Variants in FGF12 observed in about 807,000 individuals in gnomAD.
FGF12 encodes fibroblast growth factor 12, also known as fibroblast growth factor 12B.
In FGF12, 14 loss-of-function variants were observed where a neutral mutation model predicts 23.6. The observed-to-expected ratio is 0.59, with a 90% CI of 0.39 to 0.93. The LOEUF (loss-of-function observed/expected upper bound fraction) is 0.93, where lower values mean the gene tolerates loss of function less well. FGF12 is among the 40% of genes least tolerant of loss of function. FGF12 has a pLI of 0.00. For synonymous variants in FGF12, 62 were observed against 77.3 expected, an observed-to-expected ratio of 0.80 and a Z score of 1.04; for missense variants, 175 against 217.8, an observed-to-expected ratio of 0.80 and a Z score of 1.24.
chr3:192,664,418 C>G lies in FGF12; in HGVS notation c.13+62763G>C, dbSNP rs186166325. Reference sequence around the variant, plus strand: ...CTTATCAGAGCACTAAAACTACCACCAGCATTACTTCCCTAATTTATACAA... The same window carrying G: ...CTTATCAGAGCACTAAAACTACCACGAGCATTACTTCCCTAATTTATACAA... On this transcript the variant is annotated intron_variant, in intron 2 of 5. Transcript: ENST00000445105. Among the ~76,000 whole-genome samples the G allele has an allele frequency of 1.2e-3, 186 of 151,934 alleles. 1 individual carries two copies. Among genetic ancestry groups the G allele is most frequent in the Middle Eastern group, 3.4e-3 (1 of 294 alleles).
At chr3:192,629,146 T>A (rs1312500342) in intron 2 of FGF12, among the ~76,000 whole-genome samples, 2 of 152,218 alleles carry the variant, frequency 1.3e-5, no homozygotes, top group African/African-American at 4.8e-5. Flanking sequence ...ATTATTTATC[T>A]TCTGAAAGAC....
intron 2 of FGF12, among the ~76,000 whole-genome samples, chr3:192,472,429 T>C (rs951356962): frequency 6.6e-6 from 1 of 152,138 alleles, no homozygotes; most frequent in African/African-American, 2.4e-5. Flanking sequence ...GGAATGAAAC[T>C]TAACATTTCC....
At chr3:192,467,200 C>T (rs1010743025) in intron 2 of FGF12, among the ~76,000 whole-genome samples, 17 of 152,082 alleles carry the variant, frequency 1.1e-4, no homozygotes, top group African/African-American at 4.1e-4. Context: ...TCATATATGT[C>T]GGAAAATTAA....
intron 4 of FGF12, among the ~76,000 whole-genome samples, chr3:192,242,177 A>C (rs1024131930): frequency 6.6e-6 from 1 of 152,220 alleles, no homozygotes; most frequent in Non-Finnish European, 1.5e-5. Flanking sequence ...GATGAATTAG[A>C]AACAAAAGAG....
intron 2 of FGF12, among the ~76,000 whole-genome samples, chr3:192,551,279 G>T (rs1412107722): frequency 6.6e-6 from 1 of 152,170 alleles, no homozygotes; most frequent in African/African-American, 2.4e-5. Flanking sequence ...GAGAGGAGAA[G>T]GCACAGATCA....
At chr3:192,460,961 A>C (rs927968207) in intron 2 of FGF12, among the ~76,000 whole-genome samples, 1 of 152,126 alleles carries the variant, frequency 6.6e-6, no homozygotes, top group Non-Finnish European at 1.5e-5. Flanking sequence ...TCCAGAGTAC[A>C]TATATTCATT....
chr3:192,493,157 A>G (rs1007052972), intron 2 of FGF12, among the ~76,000 whole-genome samples: 2 of 152,044 alleles, frequency 1.3e-5, no homozygotes, highest in East Asian at 3.9e-4. Context: ...CAATGACAGC[A>G]GGAGTCCAGG....
chr3:192,727,017 C>A, intron 2 of FGF12, 164 bp downstream of exon 2: 1 of 799,222 alleles, frequency 1.3e-6, no homozygotes, highest in Non-Finnish European at 2.1e-6. Flanking sequence ...AAAAAGAAGT[C>A]GCCTTCCTGC....
chr3:192,235,410 T>C (rs1719237543), intron 4 of FGF12, among the ~76,000 whole-genome samples: 1 of 152,166 alleles, frequency 6.6e-6, no homozygotes, highest in African/African-American at 2.4e-5. Flanking sequence ...CAGGTTCAAA[T>C]GATTCTCCTG....
In FGF12 at chr3:192,343,702, T is replaced by C. The variant is rs1717810217; in HGVS notation, c.125-8238A>G. On this transcript the variant is annotated intron_variant, in intron 3 of 5. Coordinates refer to ENST00000445105, the MANE Select transcript of FGF12 (RefSeq NM_004113.6). ...TCACCCAGGCAAATTAATTATTCAT[T>C]CCCTTACCCTAATTCCACAGCATTC... Among the ~76,000 whole-genome samples, 2 of 152,112 alleles carry C rather than the reference T, an allele frequency of 1.3e-5. 1 individual carries two copies. The highest frequency in any genetic ancestry group is 1.3e-4 in the Admixed American group (2 of 15,252).
chr3:192,358,719 T>C (rs1006150427), intron 3 of FGF12, among the ~76,000 whole-genome samples: 2 of 152,216 alleles, frequency 1.3e-5, no homozygotes, highest in Non-Finnish European at 2.9e-5. Flanking sequence ...ATAAATGTCA[T>C]GCATTTGCAA....
At chr3:192,538,373 T>C (rs1424144357) in intron 2 of FGF12, among the ~76,000 whole-genome samples, 1 of 152,200 alleles carries the variant, frequency 6.6e-6, no homozygotes, top group Non-Finnish European at 1.5e-5. Flanking sequence ...ATTGAAGATA[T>C]TGTCTTTTCC....
chr3:192,188,986 A>G (rs2108644568), intron 4 of FGF12, among the ~76,000 whole-genome samples: 1 of 152,344 alleles, frequency 6.6e-6, no homozygotes, highest in East Asian at 1.9e-4. Context: ...CTGTCTAAGA[A>G]TTAGCTGGAG....
chr3:192,281,285 G>A (rs1577315797), intron 4 of FGF12, among the ~76,000 whole-genome samples: 1 of 152,028 alleles, frequency 6.6e-6, no homozygotes, highest in Non-Finnish European at 1.5e-5. Context: ...TTTTTGGTTT[G>A]TAGCCACATC....
chr3:192,656,760 C>T (rs2108680664), intron 2 of FGF12, among the ~76,000 whole-genome samples: 1 of 152,306 alleles, frequency 6.6e-6, no homozygotes, highest in East Asian at 1.9e-4. Flanking sequence ...AACAAGAAAA[C>T]ACCTAGCAGT....
chr3:192,607,865 A>AG (rs1328111443), intron 2 of FGF12, among the ~76,000 whole-genome samples: 12 of 137,292 alleles, frequency 8.7e-5, no homozygotes, highest in Admixed American at 3.0e-4. Flanking sequence ...AAAAAAAAAA[A>AG]AAGAAGAAGA....
At chr3:192,536,840 T>C (rs1725236263) in intron 2 of FGF12, among the ~76,000 whole-genome samples, 1 of 152,202 alleles carries the variant, frequency 6.6e-6, no homozygotes, top group Middle Eastern at 3.4e-3. Flanking sequence ...ATTTTAAATA[T>C]ATAGTAAATT....
chr3:192,537,950 C>CTTTTTTTTTTTTTTTTTTTTTTTT lies in FGF12; in HGVS notation c.14-177413_14-177412insAAAAAAAAAAAAAAAAAAAAAAAA, dbSNP rs370317111. On this transcript the variant is annotated intron_variant, in intron 2 of 5. Coordinates refer to ENST00000445105, the MANE Select transcript of FGF12 (RefSeq NM_004113.6). ...AAGGTCTTAGATTTAAGCCTTTAAC[C>CTTTTTTTTTTTTTTTTTTTTTTTT]TTTTTTTTTTTTTGAGATGGAGTTT... Among the ~76,000 whole-genome samples, 867 of 120,912 alleles carry CTTTTTTTTTTTTTTTTTTTTTTTT rather than the reference C, an allele frequency of 7.2e-3. 75 individuals carry two copies. The highest frequency in any genetic ancestry group is 0.01 in the Non-Finnish European group (576 of 56,448). The allele number at this position is 120,912 out of a possible 152,430, so 79.3% of individuals were successfully genotyped here.
chr3:192,500,786 C>G (rs1724111200), intron 2 of FGF12, among the ~76,000 whole-genome samples: 1 of 152,178 alleles, frequency 6.6e-6, no homozygotes, highest in Non-Finnish European at 1.5e-5. Flanking sequence ...TATATTAACT[C>G]ATTTTACTCC....
Sources: allele counts gnomAD v4.1 joint callset (sites outside exome capture counted in the v4.1 genomes callset), GRCh38; gene constraint gnomAD v4.1.1; transcripts MANE v1.5; gene names NCBI Gene and HGNC (gene_info 2026-07-23, HGNC 2026-07-21).